The following SLC44A5 variants were observed in gnomAD, a reference collection of about 807,000 sequenced individuals.
The protein encoded by SLC44A5 is choline transporter-like protein 5.
In SLC44A5, 57 loss-of-function variants were observed where a neutral mutation model predicts 101.8. The ratio of observed to expected loss-of-function variants is 0.56; its 90% CI spans 0.45 to 0.70. The LOEUF is 0.70. SLC44A5 is among the 30% of genes least tolerant of loss of function. SLC44A5 has a pLI of 0.00. For synonymous variants in SLC44A5, 281 were observed against 290.9 expected (o/e 0.97, Z 0.35); for missense variants, 737 against 853.1 (o/e 0.86, Z 1.70).
At chr1:75,339,233 C>T (rs1230542247) in intron 4 of SLC44A5, among the ~76,000 whole-genome samples, 4 of 150,224 alleles carry the variant, frequency 2.7e-5, no homozygotes, top group Non-Finnish European at 5.9e-5. Flanking sequence ...TGGTGAGTCC[C>T]AGAGTAAACA....
intron 2 of SLC44A5, among the ~76,000 whole-genome samples, chr1:75,532,592 C>CT (rs1244842238): frequency 1.3e-5 from 2 of 152,166 alleles, no homozygotes; most frequent in East Asian, 3.8e-4. Flanking sequence ...TTATTATTCT[C>CT]TAACATACTA....
the SLC44A5 span, among the ~76,000 whole-genome samples, chr1:75,618,175 T>C: frequency 2.6e-5 from 4 of 152,382 alleles, no homozygotes; most frequent in East Asian, 5.8e-4. Flanking sequence ...AGTACTATTC[T>C]CAACAGAGGA....
the SLC44A5 span, among the ~76,000 whole-genome samples, chr1:75,674,971 T>G: frequency 6.6e-6 from 1 of 152,206 alleles, no homozygotes; most frequent in Non-Finnish European, 1.5e-5. Flanking sequence ...TTGATCTATG[T>G]GTCTGTTTTT....
chr1:75,388,757 C>T (rs1226222746), intron 3 of SLC44A5, among the ~76,000 whole-genome samples: 10 of 149,832 alleles, frequency 6.7e-5, no homozygotes, highest in African/African-American at 2.0e-4. Context: ...CCAGCCTGGG[C>T]AACAGAGCGA....
chr1:75,682,155 A>G, the SLC44A5 span, among the ~76,000 whole-genome samples: 1 of 152,228 alleles, frequency 6.6e-6, no homozygotes, highest in African/African-American at 2.4e-5. Context: ...GGAAGAATCA[A>G]TATCGTGAAA....
chr1:75,218,107 GTC>G, intron 17 of SLC44A5, 147 bp from the exon 18 acceptor site: 3 of 638,658 alleles, frequency 4.7e-6, no homozygotes, highest in Non-Finnish European at 8.2e-6. Flanking sequence ...ATTGATAAAA[GTC>G]TCTATAGAGG....
At chr1:75,638,429 C>CAAAAAAA in the SLC44A5 span, among the ~76,000 whole-genome samples, 1 of 151,896 alleles carries the variant, frequency 6.6e-6, no homozygotes, top group South Asian at 2.1e-4. Context: ...AATATCAAAA[C>CAAAAAAA]AAAATGAAAT....
chr1:75,691,136 T>C, the SLC44A5 span, among the ~76,000 whole-genome samples: 88 of 152,302 alleles, frequency 5.8e-4, 1 homozygote, highest in African/African-American at 2.0e-3. Context: ...TCCAACTTGT[T>C]CTTGAATTCT....
At position 75,219,264 on chromosome 1, in the gene SLC44A5, T is replaced by A. The variant is rs770193659; in HGVS notation, c.1259A>T (p.Asp420Val). 1 of 1,605,822 alleles carries A rather than the reference T, an allele frequency of 6.2e-7. No homozygotes were observed. Among genetic ancestry groups the A allele is most frequent in the Non-Finnish European group, 8.5e-7 (1 of 1,172,574 alleles). ...AGAGTTTCTTGTACTTACCTCTGGG[T>A]CACAGGTTTGATTTTCATGTATACA... Reference protein sequence around the residue: ...GHCIHENQTCDPEIFNTTEIA... With the variant: ...GHCIHENQTCVPEIFNTTEIA... The change falls in exon 16 of 24, where the codon GAC (aspartate) becomes GTC (valine). Residue 420 changes from aspartate (D) to valine (V), a missense_variant. By Grantham distance (152) the Asp-to-Val change is radical. Around this residue, in one of 3 missense-constraint regions of SLC44A5, gnomAD observed 665 missense variants for 764.4 expected, o/e 0.87. Coordinates refer to ENST00000370859, the MANE Select transcript of SLC44A5 (RefSeq NM_001130058.2).
chr1:75,467,630 T>G (rs1448826478), intron 2 of SLC44A5, among the ~76,000 whole-genome samples: 3 of 152,194 alleles, frequency 2.0e-5, no homozygotes, highest in Admixed American at 6.5e-5. Flanking sequence ...GTTATCTATA[T>G]GCAGAAGAAC....
intron 5 of SLC44A5, among the ~76,000 whole-genome samples, chr1:75,291,804 G>A (rs1194588149): frequency 3.9e-5 from 6 of 152,072 alleles, no homozygotes; most frequent in Non-Finnish European, 8.8e-5. Context: ...GAGTTCAGGA[G>A]ATCGAGACCA....
chr1:75,375,727 A>G (rs1204608122), intron 3 of SLC44A5, among the ~76,000 whole-genome samples: 1 of 152,236 alleles, frequency 6.6e-6, no homozygotes, highest in African/African-American at 2.4e-5. Context: ...ATACCAACCA[A>G]GTATTTTGTA....
At chr1:75,721,549 G>T in the SLC44A5 span, among the ~76,000 whole-genome samples, 24 of 152,088 alleles carry the variant, frequency 1.6e-4, no homozygotes, top group African/African-American at 5.3e-4. Context: ...ACCAATAGTG[G>T]GACAAATCTG....
At chr1:75,373,665 C>A (rs1660375938) in intron 3 of SLC44A5, among the ~76,000 whole-genome samples, 1 of 152,140 alleles carries the variant, frequency 6.6e-6, no homozygotes, top group Admixed American at 6.5e-5. Context: ...CACATCTGAT[C>A]CACACGCTGC....
chr1:75,264,599 A>G (rs1650834171), intron 6 of SLC44A5, among the ~76,000 whole-genome samples: 1 of 152,212 alleles, frequency 6.6e-6, no homozygotes, highest in African/African-American at 2.4e-5. Context: ...CAAACAAAGG[A>G]AAACCAAAAC....
intron 1 of SLC44A5, among the ~76,000 whole-genome samples, chr1:75,579,622 C>T (rs757079942): frequency 6.6e-6 from 1 of 152,062 alleles, no homozygotes; most frequent in Non-Finnish European, 1.5e-5. Context: ...TTAAAAGACC[C>T]CTTTCCTACT....
chr1:75,218,435 C>T lies in SLC44A5; in HGVS notation c.1529+55G>A, dbSNP rs1647006183. ...GAATTAATGAGCCAAGACTGAATTA[C>T]AAGCACACTAAATGTAACTGACAAG... is the stretch of plus-strand genomic sequence containing the variant. On this transcript the variant is annotated intron_variant, in intron 17 of 23. Coordinates refer to ENST00000370859, the MANE Select transcript of SLC44A5 (RefSeq NM_001130058.2). 6 of 1,593,012 alleles carry T rather than the reference C, an allele frequency of 3.8e-6. No individual in the cohort carries two copies. The East Asian group carries it at 6.7e-5, about 18-fold the overall frequency.
chr1:75,578,598 CAG>C (rs1673506885), intron 1 of SLC44A5, among the ~76,000 whole-genome samples: 2 of 152,194 alleles, frequency 1.3e-5, no homozygotes, highest in South Asian at 4.1e-4. Context: ...TTTGCAGAAA[CAG>C]AGCATAGAAT....
At chr1:75,482,231 G>A (rs1234752289) in intron 2 of SLC44A5, among the ~76,000 whole-genome samples, 1 of 151,338 alleles carries the variant, frequency 6.6e-6, no homozygotes, top group East Asian at 1.9e-4. Flanking sequence ...GAGAACACAT[G>A]GACACAGGAA....
Sources: allele counts gnomAD v4.1 joint callset (sites outside exome capture counted in the v4.1 genomes callset), GRCh38; gene constraint gnomAD v4.1.1; regional missense constraint gnomAD v4.1.1; transcripts MANE v1.5; gene names NCBI Gene and HGNC (gene_info 2026-07-23, HGNC 2026-07-21).